The following ULK2 variants were observed in gnomAD, a reference collection of about 807,000 sequenced individuals.
The protein encoded by ULK2 is serine/threonine-protein kinase ULK2.
In ULK2, 76 loss-of-function variants were observed where a neutral mutation model predicts 127.5. The observed-to-expected ratio is 0.60, with a 90% CI of 0.50 to 0.72. The LOEUF is 0.72. Among genes scored for constraint, ULK2 ranks in the 30% least tolerant of loss-of-function variants. The pLI is 0.00. For synonymous variants in ULK2, 452 were observed against 461.9 expected (o/e 0.98, Z 0.28); for missense variants, 1,144 against 1,295.9 (o/e 0.88, Z 1.80).
rs542872288 is a variant in ULK2, at chr17:19,831,562, C to T, written c.788-5376G>A. Among the ~76,000 whole-genome samples, 18 of 152,328 alleles carry T rather than the reference C, an allele frequency of 1.2e-4. 1 individual carries two copies. Among genetic ancestry groups the T allele is most frequent in the African/African-American group, 3.8e-4 (16 of 41,580 alleles). ...AAATAAGGCCAGGTGCCGTGCCCCACGCCTATAATCCCAACACTTTGGGAG... is the reference window on the plus strand; with the variant it reads ...AAATAAGGCCAGGTGCCGTGCCCCATGCCTATAATCCCAACACTTTGGGAG... On this transcript the variant is annotated intron_variant, in intron 10 of 26. Transcript: ENST00000395544.
chr17:19,865,896 C>T, intron 1 of ULK2, 68 bp from the exon 2 acceptor site: 1 of 935,024 alleles, frequency 1.1e-6, no homozygotes, highest in Non-Finnish European at 1.6e-6. Context: ...AATTTACAAG[C>T]GCGAAGGTGT....
At chr17:19,854,288 A>AG (rs1312749996) in intron 3 of ULK2, among the ~76,000 whole-genome samples, 49 of 151,254 alleles carry the variant, frequency 3.2e-4, no homozygotes, top group African/African-American at 1.2e-3. Flanking sequence ...AAAAAAAAAA[A>AG]GCACACACAA....
chr17:19,864,948 A>G, intron 2 of ULK2, 104 bp from the exon 3 acceptor site: 1 of 409,122 alleles, frequency 2.4e-6, no homozygotes, highest in Non-Finnish European at 4.2e-6. Context: ...TTCTAGTATT[A>G]TACTTATATT....
At chr17:19,839,557 G>A (rs2041685683) in intron 9 of ULK2, among the ~76,000 whole-genome samples, 1 of 151,318 alleles carries the variant, frequency 6.6e-6, no homozygotes, top group Non-Finnish European at 1.5e-5. Context: ...AGCTACCTGA[G>A]AGGCTGAGGC....
chr17:19,818,213 C>T (rs373178820), intron 12 of ULK2, among the ~76,000 whole-genome samples: 5 of 151,954 alleles, frequency 3.3e-5, no homozygotes, highest in African/African-American at 1.2e-4. Context: ...GTCCCAGCTA[C>T]TCGGGGGGTT....
At chr17:19,829,537 G>GT (rs2041379076) in intron 10 of ULK2, among the ~76,000 whole-genome samples, 1 of 5,290 alleles carries the variant, frequency 1.9e-4, no homozygotes, top group Non-Finnish European at 7.1e-4. Context: ...ACCCTGTCAA[G>GT]GAAAAAAAAA....
intron 21 of ULK2, chr17:19,784,140 ACT>A (rs1261064707): frequency 2.8e-6 from 1 of 358,626 alleles, no homozygotes; most frequent in East Asian, 4.2e-5. Context: ...GTTTTTTTAT[ACT>A]CTGTTTTAAA....
At chr17:19,860,582 T>C (rs1260281288) in intron 3 of ULK2, among the ~76,000 whole-genome samples, 2 of 150,692 alleles carry the variant, frequency 1.3e-5, no homozygotes, top group Non-Finnish European at 2.9e-5. Flanking sequence ...TGGAGTGCAA[T>C]GGCGCGATCT....
chr17:19,863,350 TA>T (rs1183576859), intron 3 of ULK2, among the ~76,000 whole-genome samples: 2 of 152,126 alleles, frequency 1.3e-5, no homozygotes, highest in Non-Finnish European at 2.9e-5. Flanking sequence ...CCGTCCAGAC[TA>T]AGCAAAAGAA....
At chr17:19,842,662 G>C (rs1448994684) in intron 8 of ULK2, among the ~76,000 whole-genome samples, 3 of 152,010 alleles carry the variant, frequency 2.0e-5, no homozygotes, top group East Asian at 3.9e-4. Flanking sequence ...CAGGATGTTG[G>C]GGGAGAGGAG....
chr17:19,784,110 AT>A, intron 21 of ULK2: 1 of 406,204 alleles, frequency 2.5e-6, no homozygotes, highest in Non-Finnish European at 4.2e-6. Flanking sequence ...TATATTTTAT[AT>A]TAGACATCAT....
Position 19,781,951 on chromosome 17 carries a change from G to C in ULK2, c.2577C>G (p.Ser859=), listed in dbSNP as rs768496276. 6 of 1,614,102 alleles carry C rather than the reference G, an allele frequency of 3.7e-6. No homozygotes were observed. The African/African-American group carries it at 8.0e-5, about 22-fold the overall frequency. Reference sequence around the variant, plus strand: ...CCACACTCTCCTGGATCTGGTACAAGGACACAGCAGATGTGCACAGCTCAG... The same window carrying C: ...CCACACTCTCCTGGATCTGGTACAACGACACAGCAGATGTGCACAGCTCAG... The part of the protein sequence containing the change: ...GNPELCTSAV[S]LYQIQESVVV... Residue 859 remains serine (S), a synonymous_variant, in exon 23 of 27, where the codon TCC becomes TCG. Coordinates refer to ENST00000395544, the MANE Select transcript of ULK2 (RefSeq NM_014683.4).
At chr17:19,846,206 G>A (rs913540979) in intron 6 of ULK2, among the ~76,000 whole-genome samples, 1 of 152,118 alleles carries the variant, frequency 6.6e-6, no homozygotes, top group Non-Finnish European at 1.5e-5. Flanking sequence ...CTCGAGAGAC[G>A]CAGGTATTCA....
intron 7 of ULK2, among the ~76,000 whole-genome samples, chr17:19,844,831 CTA>C (rs2041841857): frequency 6.6e-6 from 1 of 151,970 alleles, no homozygotes; most frequent in African/African-American, 2.4e-5. Context: ...ATGATGATAT[CTA>C]TATGAGAGGA....
At chr17:19,804,638 A>T in intron 15 of ULK2, 55 bp downstream of exon 15, 1 of 1,527,448 alleles carries the variant, frequency 6.5e-7, no homozygotes, top group South Asian at 1.3e-5. Context: ...ATATCAATAA[A>T]TTTTTTTTAA....
At chr17:19,816,690 A>C in intron 13 of ULK2, 59 bp downstream of exon 13, 1 of 1,430,478 alleles carries the variant, frequency 7.0e-7, no homozygotes, top group South Asian at 1.8e-5. Context: ...GGGTTAAAAA[A>C]AAGATGCTAG....
rs889412174 is a variant in ULK2, at chr17:19,833,016, G to A, written c.787+5485C>T. Among the ~76,000 whole-genome samples, 11 of 151,736 alleles carry A rather than the reference G, an allele frequency of 7.2e-5. No homozygotes were observed. The East Asian group carries it at 7.8e-4, about 11-fold the overall frequency. On this transcript the variant is annotated intron_variant, in intron 10 of 26. Transcript: ENST00000395544. ...TGTGCACCTGTAATCCCAGCTACTC[G>A]GGAGGCTGAGGCAGGAGAATTGTTT...
intron 10 of ULK2, among the ~76,000 whole-genome samples, chr17:19,838,227 A>G (rs1335805083): frequency 2.0e-5 from 3 of 150,178 alleles, no homozygotes; most frequent in African/African-American, 7.4e-5. Context: ...ATACTTAGCA[A>G]CTTCTAATAT....
At chr17:19,805,193 C>T (rs903951105) in intron 14 of ULK2, among the ~76,000 whole-genome samples, 11 of 152,058 alleles carry the variant, frequency 7.2e-5, no homozygotes, top group Non-Finnish European at 1.3e-4. Context: ...GGTAAAAGAA[C>T]GGGAAGTTCA....
Sources: allele counts gnomAD v4.1 joint callset (sites outside exome capture counted in the v4.1 genomes callset), GRCh38; gene constraint gnomAD v4.1.1; transcripts MANE v1.5; gene names NCBI Gene and HGNC (gene_info 2026-07-23, HGNC 2026-07-21).